The following CCDC88C variants were observed in gnomAD, a reference collection of about 807,000 sequenced individuals.
CCDC88C encodes protein Daple.
In CCDC88C, 131 loss-of-function variants were observed where a neutral mutation model predicts 198.8. The observed-to-expected ratio is 0.66, with a 90% CI of 0.57 to 0.76. The LOEUF (loss-of-function observed/expected upper bound fraction) is 0.76, where lower values mean the gene tolerates loss of function less well. CCDC88C is among the 30% of genes least tolerant of loss of function. The pLI, the probability that CCDC88C is intolerant of heterozygous loss-of-function variation, is 0.00. For synonymous variants in CCDC88C, 1,166 were observed against 1,114.7 expected (o/e 1.05, Z -0.92); for missense variants, 2,553 against 2,631.6 (o/e 0.97, Z 0.65).
intron 27 of CCDC88C, chr14:91,279,657 G>A: frequency 5.1e-6 from 1 of 197,902 alleles, no homozygotes; most frequent in East Asian, 1.3e-4. Flanking sequence ...AGAGGTTGAG[G>A]TTGCGGGGGG....
At chr14:91,367,937 C>T (rs1009117143) in intron 3 of CCDC88C, among the ~76,000 whole-genome samples, 2 of 152,148 alleles carry the variant, frequency 1.3e-5, no homozygotes, top group South Asian at 2.1e-4. Flanking sequence ...TAGGCAGCCA[C>T]CTGATGCCGG....
In CCDC88C at chr14:91,303,844, G is replaced by T. The variant is rs987453838; in HGVS notation, c.3492C>A (p.Tyr1164Ter). The T allele has an allele frequency of 6.2e-7, 1 of 1,613,048 alleles. No individual in the cohort carries two copies. Among genetic ancestry groups the T allele is most frequent in the African/African-American group, 1.3e-5 (1 of 74,956 alleles). ...QRQQEQLTAAYEALLQDHEHL... is the reference protein window; with the variant it reads ...QRQQEQLTAA ...GCTCGTGGTCCTGCAGCAGGGCCTCGTAGGCCGCTGTAAGTTGCTCCTGCT... is the reference window on the plus strand; with the variant it reads ...GCTCGTGGTCCTGCAGCAGGGCCTCTTAGGCCGCTGTAAGTTGCTCCTGCT... Residue 1164 changes from tyrosine to a stop codon, truncating the protein, a stop_gained, in exon 20 of 30, where the codon TAC (tyrosine) becomes TAA (stop). Coordinates refer to ENST00000389857, the MANE Select transcript of CCDC88C (RefSeq NM_001080414.4). LOFTEE classifies it high-confidence loss of function.
chr14:91,312,243 G>C (rs1235810193), intron 15 of CCDC88C, among the ~76,000 whole-genome samples: 2 of 151,466 alleles, frequency 1.3e-5, no homozygotes, highest in Non-Finnish European at 2.9e-5. Context: ...ACAAAAATTA[G>C]CGAGGCGTGA....
rs1303122899 is a variant in CCDC88C, at chr14:91,315,750, T to C, written c.1565A>G (p.Gln522Arg). Residue 522 changes from glutamine (Q) to arginine (R), a missense_variant, in exon 14 of 30, where the codon CAG (glutamine) becomes CGG (arginine). Physicochemically the swap from Gln to Arg is conservative, Grantham distance 43 (BLOSUM62 1). Around this residue, in one of 2 missense-constraint regions of CCDC88C, gnomAD observed 1,260 missense variants for 1,412.0 expected, o/e 0.89. Transcript: ENST00000389857. ...GAGGGTCTCCAGATCTTGGTTGCTCTGCTTTTCTCTCTCCAGCTGGGTTTG... is the reference window on the plus strand; with the variant it reads ...GAGGGTCTCCAGATCTTGGTTGCTCCGCTTTTCTCTCTCCAGCTGGGTTTG... ...KLQTQLEREK[Q>R]SNQDLETLSE... The C allele has an allele frequency of 6.2e-7, 1 of 1,613,564 alleles. No individual in the cohort carries two copies. Among genetic ancestry groups the C allele is most frequent in the Non-Finnish European group, 8.5e-7 (1 of 1,179,762 alleles).
At chr14:91,327,981 C>A (rs1408127813) in intron 10 of CCDC88C, among the ~76,000 whole-genome samples, 1 of 152,228 alleles carries the variant, frequency 6.6e-6, no homozygotes, top group African/African-American at 2.4e-5. Flanking sequence ...TGTTCTGGGT[C>A]TGCTCTGAGG....
At chr14:91,306,522 C>A (rs998856553) in intron 18 of CCDC88C, among the ~76,000 whole-genome samples, 7 of 152,188 alleles carry the variant, frequency 4.6e-5, no homozygotes, top group African/African-American at 1.7e-4. Flanking sequence ...ATGAAAATCA[C>A]CACTCTGAAC....
At chr14:91,408,578 C>T in intron 3 of CCDC88C, 81 bp downstream of exon 3, 1 of 888,108 alleles carries the variant, frequency 1.1e-6, no homozygotes, top group Non-Finnish European at 1.9e-6. Flanking sequence ...CCGTTTCCTC[C>T]CGGCCTCCTG....
intron 3 of CCDC88C, among the ~76,000 whole-genome samples, chr14:91,399,178 G>A (rs2139997084): frequency 6.6e-6 from 1 of 152,214 alleles, no homozygotes; most frequent in Non-Finnish European, 1.5e-5. Context: ...TGTGACTCTT[G>A]AGCCAACCTC....
intron 3 of CCDC88C, among the ~76,000 whole-genome samples, chr14:91,393,086 C>T (rs1288202711): frequency 6.6e-6 from 1 of 152,212 alleles, no homozygotes; most frequent in Admixed American, 6.5e-5. Context: ...CTGGGCTGGG[C>T]ATTTCCCAGG....
At position 91,278,119 on chromosome 14, in the gene CCDC88C, T is replaced by C. The variant is rs756054457; in HGVS notation, c.4861A>G (p.Ser1621Gly). 6 of 1,613,234 alleles carry C rather than the reference T, an allele frequency of 3.7e-6. No individual in the cohort carries two copies. In the South Asian group the frequency reaches 6.6e-5, roughly 18 times the overall value. Residue 1621 changes from serine to glycine, a missense_variant, in exon 29 of 30, where the codon AGC becomes GGC. Physicochemically the swap from Ser to Gly is moderately conservative, Grantham distance 56. Coordinates refer to ENST00000389857, the MANE Select transcript of CCDC88C (RefSeq NM_001080414.4). ...RDLATLPREA[S>G]TPGRNALGRH... is the part of the protein sequence containing the mutation. ...CCGAGGGCGTTGCGTCCCGGTGTGC[T>C]GGCTTCCCGGGGCAAAGTGGCCAGG...
In CCDC88C at chr14:91,315,645, C is replaced by G. The variant is rs1567071346; in HGVS notation, c.1665+5G>C. 1 of 1,613,814 alleles carries G rather than the reference C, an allele frequency of 6.2e-7. No homozygotes were observed. The highest frequency in any genetic ancestry group is 8.5e-7 in the Non-Finnish European group (1 of 1,179,844). On this transcript the variant is annotated splice_donor_5th_base_variant and intron_variant, in intron 14 of 29. Transcript: ENST00000389857. ...AGGAGAGGCGTTAGTGGTGGAGGCA[C>G]CTACCTGCCTGGCTTTGTCAGCCTT...
chr14:91,377,991 T>C lies in CCDC88C; in HGVS notation c.271-18280A>G, dbSNP rs375893700. ...TAGCTGAGGGGAGACTGGGGGTTCT[T>C]TAAGTAAGGAAGAAGAGGAGAGTGG... On this transcript the variant is annotated intron_variant, in intron 3 of 29. Coordinates refer to ENST00000389857, the MANE Select transcript of CCDC88C (RefSeq NM_001080414.4). 3.1e-3 allele frequency among the ~76,000 whole-genome samples: 472 copies of C among 151,030 alleles called. 3 individuals are homozygous for C. Among genetic ancestry groups the C allele is most frequent in the African/African-American group, 0.011 (442 of 41,364 alleles).
intron 4 of CCDC88C, among the ~76,000 whole-genome samples, chr14:91,358,192 C>T (rs1894129780): frequency 6.6e-6 from 1 of 152,338 alleles, no homozygotes; most frequent in Middle Eastern, 3.4e-3. Flanking sequence ...GCTTTGTCCT[C>T]GGCTGGTTAC....
intron 3 of CCDC88C, among the ~76,000 whole-genome samples, chr14:91,404,831 G>A (rs1415400259): frequency 6.6e-6 from 1 of 152,074 alleles, no homozygotes; most frequent in African/African-American, 2.4e-5. Flanking sequence ...CAGGAGTGGT[G>A]GCAGGTGCCT....
chr14:91,411,627 T>C (rs1472924368), intron 2 of CCDC88C, among the ~76,000 whole-genome samples: 1 of 152,074 alleles, frequency 6.6e-6, no homozygotes, highest in African/African-American at 2.4e-5. Flanking sequence ...GTCTAAAGTG[T>C]GGGCCCCCAG....
intron 20 of CCDC88C, among the ~76,000 whole-genome samples, chr14:91,302,102 G>A (rs1000135346): frequency 1.3e-4 from 20 of 152,200 alleles, no homozygotes; most frequent in Non-Finnish European, 2.6e-4. Context: ...GGAAGCACTT[G>A]GCAAGTGAAT....
At chr14:91,386,004 A>C (rs1004475209) in intron 3 of CCDC88C, among the ~76,000 whole-genome samples, 3 of 152,102 alleles carry the variant, frequency 2.0e-5, no homozygotes, top group African/African-American at 7.2e-5. Context: ...CTCACTAGCC[A>C]TGTGTGACCC....
At chr14:91,400,097 TC>T (rs1886085105) in intron 3 of CCDC88C, among the ~76,000 whole-genome samples, 1 of 151,018 alleles carries the variant, frequency 6.6e-6, no homozygotes, top group Non-Finnish European at 1.5e-5. Flanking sequence ...TCTGGCCATA[TC>T]CCATGTCCTG....
chr14:91,393,710 C>T (rs1337839215), intron 3 of CCDC88C, among the ~76,000 whole-genome samples: 3 of 152,290 alleles, frequency 2.0e-5, no homozygotes, highest in African/African-American at 2.4e-5. Context: ...CCAAATTAGC[C>T]GGGCATGGTG....
Sources: gnomAD v4.1 joint callset for allele counts (sites outside exome capture counted in the v4.1 genomes callset) on GRCh38, gnomAD v4.1.1 for gene constraint, gnomAD v4.1.1 regional missense constraint, MANE v1.5 for transcripts, NCBI Gene and HGNC (gene_info 2026-07-23, HGNC 2026-07-21) for gene names.